The following RAD51B variants were observed in gnomAD, a reference collection of about 807,000 sequenced individuals.
RAD51B encodes the protein RAD51 paralog B, also known as DNA repair protein RAD51 homolog 2.
In RAD51B, 38 loss-of-function variants were observed where a neutral mutation model predicts 42.2. The observed-to-expected ratio is 0.90, with a 90% CI of 0.70 to 1.18. The LOEUF is 1.18. Ranked by LOEUF, RAD51B falls within the 50% of genes most tolerant of loss-of-function variation. The pLI is 0.00. For missense variants in RAD51B, 373 were observed against 400.7 expected (o/e 0.93, Z 0.59); for synonymous variants, 154 against 145.2 (o/e 1.06, Z -0.43).
chr14:68,595,946 AT>A (rs529847062), exon 11 of RAD51B: 2 of 462,864 alleles, frequency 4.3e-6, no homozygotes, highest in African/African-American at 4.6e-5. Context: ...CTTTTTTGGA[AT>A]TGTCTTTTTT....
intron 8 of RAD51B, among the ~76,000 whole-genome samples, chr14:68,381,593 G>A (rs975664918): frequency 2.6e-5 from 4 of 152,108 alleles, no homozygotes; most frequent in Non-Finnish European, 5.9e-5. Context: ...GGAGAATGGC[G>A]TGAACCCAGG....
intron 7 of RAD51B, among the ~76,000 whole-genome samples, chr14:68,056,677 G>A (rs2076480869): frequency 6.6e-6 from 1 of 151,590 alleles, no homozygotes; most frequent in Non-Finnish European, 1.5e-5. Context: ...GAATCCGGGA[G>A]GCAGAGGTTG....
intron 10 of RAD51B, among the ~76,000 whole-genome samples, chr14:68,535,596 A>G (rs1379606627): frequency 6.6e-6 from 1 of 152,204 alleles, no homozygotes; most frequent in Non-Finnish European, 1.5e-5. Flanking sequence ...ACTGTCATAC[A>G]GATTCCAACT....
chr14:68,173,583 T>A (rs1442191021), intron 7 of RAD51B, among the ~76,000 whole-genome samples: 1 of 152,202 alleles, frequency 6.6e-6, no homozygotes, highest in Non-Finnish European at 1.5e-5. Context: ...AAGAATCACA[T>A]GCAATATGAG....
intron 7 of RAD51B, among the ~76,000 whole-genome samples, chr14:67,933,992 T>C (rs2044838380): frequency 6.6e-6 from 1 of 152,234 alleles, no homozygotes; most frequent in Non-Finnish European, 1.5e-5. Flanking sequence ...ACTACAAAGC[T>C]TCGTAGACTA....
At chr14:68,182,789 C>T (rs964405195) in intron 7 of RAD51B, among the ~76,000 whole-genome samples, 11 of 152,064 alleles carry the variant, frequency 7.2e-5, no homozygotes, top group Admixed American at 5.9e-4. Context: ...AGTTTCTTAG[C>T]GATTTAAGGC....
chr14:68,231,402 C>T (rs1413298988), intron 7 of RAD51B, among the ~76,000 whole-genome samples: 1 of 152,120 alleles, frequency 6.6e-6, no homozygotes, highest in Non-Finnish European at 1.5e-5. Context: ...GTCATTTGAT[C>T]TATAATTTCG....
At chr14:68,578,326 G>A (rs898339183) in intron 10 of RAD51B, among the ~76,000 whole-genome samples, 3 of 152,240 alleles carry the variant, frequency 2.0e-5, no homozygotes, top group Middle Eastern at 6.8e-3. Context: ...CAAGAGAATC[G>A]CTTGAACCCG....
chr14:68,502,520 C>T (rs962311835), intron 10 of RAD51B, among the ~76,000 whole-genome samples: 1 of 152,158 alleles, frequency 6.6e-6, no homozygotes, highest in African/African-American at 2.4e-5. Flanking sequence ...GAAAAATAAA[C>T]CCCTCAATAG....
At chr14:67,847,131 G>A (rs896727308) in intron 4 of RAD51B, among the ~76,000 whole-genome samples, 22 of 152,000 alleles carry the variant, frequency 1.4e-4, no homozygotes, top group Non-Finnish European at 1.2e-4. Context: ...CTTCAGCCCA[G>A]CATCTATATC....
chr14:67,960,394 T>C (rs2074639436), intron 7 of RAD51B, among the ~76,000 whole-genome samples: 1 of 152,218 alleles, frequency 6.6e-6, no homozygotes, highest in African/African-American at 2.4e-5. Context: ...CTTTATTTTC[T>C]TAGTCATCAA....
At chr14:68,331,371 A>AG (rs1240258133) in intron 8 of RAD51B, among the ~76,000 whole-genome samples, 3 of 143,394 alleles carry the variant, frequency 2.1e-5, no homozygotes, top group African/African-American at 7.9e-5. Context: ...CTGTCTCAAA[A>AG]AAAAAAAAAA....
chr14:68,479,911 T>C (rs4411448), downstream of RAD51B, among the ~76,000 whole-genome samples: 68,174 of 151,770 alleles, frequency 0.45, 16,497 homozygotes, highest in African/African-American at 0.64. Context: ...TCAAGTGATC[T>C]TCCAGGCTCA....
chr14:68,638,888 G>A (rs1892397679), intron 10 of RAD51B, among the ~76,000 whole-genome samples: 1 of 152,206 alleles, frequency 6.6e-6, no homozygotes, highest in South Asian at 2.1e-4. Flanking sequence ...AGAGACAGGA[G>A]TGGACAGGAT....
Position 68,455,422 on chromosome 14 carries a change from A to G in RAD51B, c.958-12750A>G, listed in dbSNP as rs956803276. 4.8e-4 allele frequency among the ~76,000 whole-genome samples: 73 copies of G among 152,098 alleles called. 1 individual carries two copies. The highest frequency in any genetic ancestry group is 3.5e-4 in the Non-Finnish European group (24 of 67,970). On this transcript the variant is annotated intron_variant, in intron 9 of 10. Transcript: ENST00000471583. ...AGAGAGTAACTCAAATCAGTATGAA[A>G]AAGTAAAGTGTGTAGCCAGGTGTGG...
At chr14:68,586,258 T>C (rs1890470571) in intron 10 of RAD51B, among the ~76,000 whole-genome samples, 1 of 152,176 alleles carries the variant, frequency 6.6e-6, no homozygotes, top group Non-Finnish European at 1.5e-5. Flanking sequence ...GATGGACCTG[T>C]AGCAACTCCC....
chr14:68,424,516 G>T (rs2140116080), intron 9 of RAD51B, among the ~76,000 whole-genome samples: 1 of 152,290 alleles, frequency 6.6e-6, no homozygotes, highest in Non-Finnish European at 1.5e-5. Flanking sequence ...TATTTATGCA[G>T]TGTTCTCTCC....
intron 7 of RAD51B, among the ~76,000 whole-genome samples, chr14:68,167,420 C>T (rs2078775696): frequency 6.6e-6 from 1 of 152,172 alleles, no homozygotes. Context: ...CCTATAAAAC[C>T]TATAGCACGT....
intron 9 of RAD51B, among the ~76,000 whole-genome samples, chr14:68,443,945 C>A (rs904571007): frequency 6.6e-6 from 1 of 152,076 alleles, no homozygotes; most frequent in African/African-American, 2.4e-5. Flanking sequence ...AATAGTAGTG[C>A]TAGGTACCTT....
Sources: gnomAD v4.1 joint callset for allele counts (sites outside exome capture counted in the v4.1 genomes callset) on GRCh38, gnomAD v4.1.1 for gene constraint, MANE v1.5 for transcripts, NCBI Gene and HGNC (gene_info 2026-07-23, HGNC 2026-07-21) for gene names.